The following MGRN1 variants were observed in gnomAD, a reference collection of about 807,000 sequenced individuals.
MGRN1 encodes E3 ubiquitin-protein ligase MGRN1.
MGRN1 carries 29 observed loss-of-function variants against 69.2 expected under a neutral mutation model. The ratio of observed to expected loss-of-function variants is 0.42; its 90% CI spans 0.31 to 0.57. MGRN1 has a LOEUF of 0.57. Among genes scored for constraint, MGRN1 ranks in the 20% least tolerant of loss-of-function variants. The pLI, the probability that MGRN1 is intolerant of heterozygous loss-of-function variation, is 0.15. For missense variants in MGRN1, 998 were observed against 796.2 expected (o/e 1.25, Z -3.05); for synonymous variants, 470 against 344.2 (o/e 1.37, Z -4.04).
chr16:4,665,283 T>G, intron 7 of MGRN1, 132 bp downstream of exon 7: 1 of 913,456 alleles, frequency 1.1e-6, no homozygotes, highest in South Asian at 1.5e-5. Flanking sequence ...CGGGGCAGGT[T>G]GGGGCGTGTC....
chr16:4,688,138 G>T, intron 16 of MGRN1: 5 of 985,558 alleles, frequency 5.1e-6, no homozygotes, highest in Non-Finnish European at 6.0e-6. Flanking sequence ...TCTGCTGGGA[G>T]CCATGTGTCA....
intron 6 of MGRN1, among the ~76,000 whole-genome samples, 157 bp from the exon 7 acceptor site, chr16:4,664,945 A>T (rs978561473): frequency 6.6e-6 from 1 of 152,152 alleles, no homozygotes; most frequent in African/African-American, 2.4e-5. Context: ...GAGGAGGTGG[A>T]AAGTGCAGGA....
In MGRN1 at chr16:4,651,885, G is replaced by A. The variant is rs575583831; in HGVS notation, c.208-78G>A. ...CCCAGGGATACCCTCTGGGGCTGTG[G>A]CTGCTGCACCCTGACCCGTTTTCTG... On this transcript the variant is annotated intron_variant, in intron 2 of 16. Transcript: ENST00000262370. 23 of 1,287,950 alleles carry A rather than the reference G, an allele frequency of 1.8e-5. No individual in the cohort carries two copies. In the East Asian group the frequency reaches 4.4e-4, roughly 25 times the overall value. The allele number at this position is 1,287,950 out of a possible 1,614,324, so 79.8% of individuals were successfully genotyped here.
rs1010373760 is a variant in MGRN1, at chr16:4,662,682, T to A, written c.562-2027T>A. On this transcript the variant is annotated intron_variant, in intron 5 of 16. Coordinates refer to ENST00000262370, the MANE Select transcript of MGRN1 (RefSeq NM_015246.4). ...ATTTTACAAGGAAAGAAGCCGAGGCTCGGAGGGAGGAGGGCCTGAGATGAA... is the reference window on the plus strand; with the variant it reads ...ATTTTACAAGGAAAGAAGCCGAGGCACGGAGGGAGGAGGGCCTGAGATGAA... 1.6e-4 allele frequency among the ~76,000 whole-genome samples: 24 copies of A among 152,258 alleles called. 1 individual carries two copies. Among genetic ancestry groups the A allele is most frequent in the Admixed American group, 8.5e-4 (13 of 15,302 alleles).
intron 2 of MGRN1, chr16:4,650,695 G>A: frequency 2.3e-6 from 1 of 432,194 alleles, no homozygotes; most frequent in Non-Finnish European, 4.1e-6. Context: ...GATGGCCAGG[G>A]GCAGGTCACT....
chr16:4,688,698 G>C lies in MGRN1; in HGVS notation c.1619-98G>C. 6 of 1,459,442 alleles carry C rather than the reference G, an allele frequency of 4.1e-6. No individual in the cohort carries two copies. The South Asian group carries it at 5.5e-5, about 13-fold the overall frequency. 90.4% of individuals were successfully genotyped at this position (1,459,442 alleles called of 1,614,324 possible). A position where few individuals can be genotyped will look rare whatever the true frequency, so the allele number is the denominator to read the frequency against. On this transcript the variant is annotated intron_variant, in intron 16 of 16. Coordinates refer to ENST00000262370, the MANE Select transcript of MGRN1 (RefSeq NM_015246.4). ...CACAGGCGGCGGGAGTGGGGGTGCT[G>C]GATGGCCCAGCCCCTCTGGGGCTCC...
chr16:4,625,411 T>C (rs1897623434), intron 1 of MGRN1, among the ~76,000 whole-genome samples: 1 of 152,192 alleles, frequency 6.6e-6, no homozygotes, highest in Non-Finnish European at 1.5e-5. Flanking sequence ...TAGAAAACTC[T>C]CATTGTCATC....
At chr16:4,678,773 G>A (rs1428988520) in intron 11 of MGRN1, among the ~76,000 whole-genome samples, 2 of 152,192 alleles carry the variant, frequency 1.3e-5, no homozygotes, top group Non-Finnish European at 2.9e-5. Context: ...GTTCTTCCAG[G>A]CTCTGCTGCC....
At chr16:4,649,950 G>T in intron 1 of MGRN1, 1 of 163,844 alleles carries the variant, frequency 6.1e-6, no homozygotes, top group Admixed American at 6.3e-5. Flanking sequence ...GCCTTTCTCA[G>T]GGCCGAGCTT....
intron 11 of MGRN1, among the ~76,000 whole-genome samples, chr16:4,679,480 C>G (rs117621280): frequency 0.016 from 2,418 of 152,184 alleles, 33 homozygotes; most frequent in Non-Finnish European, 0.025. Flanking sequence ...CTGTTGGAGC[C>G]CCTTCCACGT....
chr16:4,659,884 A>G (rs2078636910), intron 5 of MGRN1, among the ~76,000 whole-genome samples: 1 of 151,952 alleles, frequency 6.6e-6, no homozygotes, highest in South Asian at 2.1e-4. Context: ...TTAGCCTCCC[A>G]TCTCCCTCAG....
At chr16:4,641,779 A>C (rs1400172086) in intron 1 of MGRN1, among the ~76,000 whole-genome samples, 1 of 151,396 alleles carries the variant, frequency 6.6e-6, no homozygotes, top group South Asian at 2.1e-4. Flanking sequence ...TCGGCCTCCC[A>C]AAGTGCTGGG....
chr16:4,650,324 A>G, intron 1 of MGRN1, 41 bp from the exon 2 acceptor site: 1 of 1,537,400 alleles, frequency 6.5e-7, no homozygotes, highest in Admixed American at 2.0e-5. Context: ...TCTCAAAAAA[A>G]AAAAAAAAAA....
At chr16:4,653,075 G>T (rs1732555420) in intron 4 of MGRN1, among the ~76,000 whole-genome samples, 1 of 152,188 alleles carries the variant, frequency 6.6e-6, no homozygotes, top group Admixed American at 6.5e-5. Context: ...CCTGCACTTT[G>T]AGGGCCCAGT....
intron 5 of MGRN1, among the ~76,000 whole-genome samples, chr16:4,657,767 A>ATTTTT (rs1555452722): frequency 2.6e-5 from 1 of 38,952 alleles, no homozygotes; most frequent in Non-Finnish European, 4.8e-5. Flanking sequence ...TTTTTTTTTG[A>ATTTTT]GACAGTCTCG....
chr16:4,657,326 CCTT>C lies in MGRN1; in HGVS notation c.526_528del (p.Phe176del). Reference sequence around the variant, plus strand: ...GTGAGCCAGCAGTTCTCCCTGCCCTCCTTCAAGATTGACTTCTCGGAATGGAAG... The same window carrying C: ...GTGAGCCAGCAGTTCTCCCTGCCCTCCAAGATTGACTTCTCGGAATGGAAG... On this transcript the variant is annotated inframe_deletion, in exon 5 of 17. Coordinates refer to ENST00000262370, the MANE Select transcript of MGRN1 (RefSeq NM_015246.4). 3 of 1,614,158 alleles carry C rather than the reference CCTT, an allele frequency of 1.9e-6. No homozygotes were observed. Among genetic ancestry groups the C allele is most frequent in the Non-Finnish European group, 2.5e-6 (3 of 1,179,982 alleles).
chr16:4,679,139 C>T (rs948898711), intron 11 of MGRN1, among the ~76,000 whole-genome samples: 1 of 152,188 alleles, frequency 6.6e-6, no homozygotes, highest in East Asian at 1.9e-4. Flanking sequence ...GGAAACGCTG[C>T]GTGTGCTCAG....
intron 1 of MGRN1, among the ~76,000 whole-genome samples, chr16:4,634,067 G>C (rs1271815350): frequency 1.3e-5 from 2 of 152,220 alleles, no homozygotes; most frequent in East Asian, 3.9e-4. Context: ...AACCCTGTAG[G>C]CGTGTGGTGG....
intron 7 of MGRN1, among the ~76,000 whole-genome samples, chr16:4,666,055 C>G (rs965916108): frequency 1.3e-5 from 2 of 152,094 alleles, no homozygotes; most frequent in Admixed American, 6.6e-5. Flanking sequence ...TGGTCTCGAT[C>G]TCCTGCCTCT....
Sources: allele counts gnomAD v4.1 joint callset (sites outside exome capture counted in the v4.1 genomes callset), GRCh38; gene constraint gnomAD v4.1.1; transcripts MANE v1.5; gene names NCBI Gene and HGNC (gene_info 2026-07-23, HGNC 2026-07-21).